TULP4: variants seen among roughly 807,000 people sequenced by gnomAD.
The protein encoded by TULP4 is TUB like protein 4.
TULP4 carries 16 observed loss-of-function variants against 129.0 expected under a neutral mutation model. The observed-to-expected ratio is 0.12, with a 90% CI of 0.08 to 0.19. The LOEUF (loss-of-function observed/expected upper bound fraction) is 0.19, where lower values mean the gene tolerates loss of function less well. TULP4 is among the 10% of genes least tolerant of loss of function. The probability of loss-of-function intolerance (pLI) is 1.00; values close to 1 mark genes in which losing one functional copy is unlikely to be tolerated. For missense variants in TULP4, 1,842 were observed against 2,059.1 expected (o/e 0.89, Z 2.04); for synonymous variants, 998 against 854.0 (o/e 1.17, Z -2.94).
chr6:158,249,284 A>G (rs546639559), intron 1 of TULP4, among the ~76,000 whole-genome samples: 115 of 151,354 alleles, frequency 7.6e-4, no homozygotes, highest in African/African-American at 2.6e-3. Context: ...TTTCTGAGTT[A>G]ATTTTCTGTT....
intron 1 of TULP4, among the ~76,000 whole-genome samples, chr6:158,385,893 G>A (rs1777437424): frequency 1.6e-5 from 2 of 122,318 alleles, no homozygotes; most frequent in African/African-American, 6.6e-5. Context: ...CACCCAGGCT[G>A]GAGCACAGTA....
At chr6:158,322,084 G>T (rs1052314621) in intron 1 of TULP4, among the ~76,000 whole-genome samples, 2 of 152,190 alleles carry the variant, frequency 1.3e-5, no homozygotes, top group Non-Finnish European at 2.9e-5. Flanking sequence ...AACATTCAGA[G>T]AGGTTAGAAA....
At chr6:158,404,643 G>C (rs1022610255) in intron 1 of TULP4, among the ~76,000 whole-genome samples, 3 of 152,018 alleles carry the variant, frequency 2.0e-5, no homozygotes, top group African/African-American at 7.3e-5. Context: ...AGGCGTGGTG[G>C]TGCACGCCTG....
chr6:158,469,169 G>A lies in TULP4; in HGVS notation c.1026+7440G>A, dbSNP rs1268563222. ...CGGAATCAGGACAAAAATCCAGAAC[G>A]GTGAAAATAGAGTGGAAGAGAGACA... is the stretch of plus-strand genomic sequence containing the variant. On this transcript the variant is annotated intron_variant, in intron 6 of 13. Coordinates refer to ENST00000367097, the MANE Select transcript of TULP4 (RefSeq NM_020245.5). 2.0e-5 allele frequency among the ~76,000 whole-genome samples: 3 copies of A among 152,228 alleles called. No homozygotes were observed. In the South Asian group the frequency reaches 6.2e-4, roughly 32 times the overall value.
intron 3 of TULP4, among the ~76,000 whole-genome samples, chr6:158,448,172 C>T (rs1345074250): frequency 6.6e-6 from 1 of 152,178 alleles, no homozygotes; most frequent in Non-Finnish European, 1.5e-5. Context: ...TGTTCTTTAG[C>T]TCTGGCCATG....
intron 1 of TULP4, among the ~76,000 whole-genome samples, chr6:158,289,291 T>G (rs1051001839): frequency 2.6e-5 from 4 of 152,218 alleles, no homozygotes; most frequent in African/African-American, 9.6e-5. Context: ...TTATTTGTGC[T>G]GCTCTGTCTT....
intron 1 of TULP4, among the ~76,000 whole-genome samples, chr6:158,364,339 A>G (rs1354213593): frequency 6.6e-6 from 1 of 152,176 alleles, no homozygotes; most frequent in Admixed American, 6.5e-5. Context: ...TCAGCCATGA[A>G]TTAAGAAACC....
intron 1 of TULP4, among the ~76,000 whole-genome samples, chr6:158,260,021 G>T (rs1778322622): frequency 6.6e-6 from 1 of 152,134 alleles, no homozygotes; most frequent in Non-Finnish European, 1.5e-5. Flanking sequence ...TGACATCGTT[G>T]GTCATGTGAT....
chr6:158,238,347 A>C, intron 1 of TULP4: 1 of 760,990 alleles, frequency 1.3e-6, no homozygotes, highest in Non-Finnish European at 2.3e-6. Flanking sequence ...GGGAATGTAA[A>C]CTGGCAGATA....
chr6:158,506,442 A>G (rs1414540955), intron 13 of TULP4, 136 bp from the exon 14 acceptor site: 10 of 709,648 alleles, frequency 1.4e-5, no homozygotes, highest in African/African-American at 3.5e-5. Context: ...CGTGTTAGCC[A>G]GGGTGGTCTC....
intron 1 of TULP4, among the ~76,000 whole-genome samples, chr6:158,287,503 A>G (rs1778853077): frequency 6.6e-6 from 1 of 152,224 alleles, no homozygotes; most frequent in Non-Finnish European, 1.5e-5. Flanking sequence ...ATGAATAGAC[A>G]TTTAAAAGTC....
intron 1 of TULP4, among the ~76,000 whole-genome samples, chr6:158,319,509 T>C (rs1374139857): frequency 2.0e-5 from 3 of 152,180 alleles, no homozygotes; most frequent in Non-Finnish European, 2.9e-5. Flanking sequence ...AAAGAACCAT[T>C]GCAAGATTTT....
chr6:158,348,758 G>T, intron 1 of TULP4, among the ~76,000 whole-genome samples: 1 of 151,086 alleles, frequency 6.6e-6, no homozygotes, highest in African/African-American at 2.4e-5. Context: ...TTCCCAGATG[G>T]GGCAGCTGGG....
upstream of TULP4, among the ~76,000 whole-genome samples, chr6:158,310,681 G>T (rs550188346): frequency 1.3e-5 from 2 of 151,998 alleles, no homozygotes; most frequent in East Asian, 3.9e-4. Flanking sequence ...TAACACTGGG[G>T]GTTACGTTTC....
At position 158,450,237 on chromosome 6, in the gene TULP4, G is replaced by A. The variant is rs545917281; in HGVS notation, c.724+1061G>A. Among the ~76,000 whole-genome samples, 3 of 152,314 alleles carry A rather than the reference G, an allele frequency of 2.0e-5. No homozygotes were observed. In the South Asian group the frequency reaches 6.2e-4, roughly 32 times the overall value. ...CTAGCACAGCTGTGCTTACACTGCT[G>A]TGTGCCCTTCATAGTCAAAGGGCAC... On this transcript the variant is annotated intron_variant, in intron 4 of 13. Transcript: ENST00000367097.
chr6:158,420,569 C>T (rs946201916), intron 2 of TULP4, among the ~76,000 whole-genome samples: 2 of 152,138 alleles, frequency 1.3e-5, no homozygotes, highest in African/African-American at 4.8e-5. Flanking sequence ...GCAATCCTTG[C>T]CTCCCGGGTT....
At chr6:158,266,933 A>C (rs551106011) in intron 1 of TULP4, among the ~76,000 whole-genome samples, 58 of 152,224 alleles carry the variant, frequency 3.8e-4, no homozygotes, top group Non-Finnish European at 5.7e-4. Flanking sequence ...CATCTTCCCA[A>C]ACTGAAACTC....
Position 158,429,634 on chromosome 6 carries a change from C to T in TULP4, c.382-102C>T, listed in dbSNP as rs1039149789. On this transcript the variant is annotated intron_variant, in intron 2 of 13. Transcript: ENST00000367097. ...CATATGTTATATTTTAAGGCCATCT[C>T]CATCTTAGCCAAAAGTCTAAGTTAA... 3.5e-5 allele frequency: 45 copies of T among 1,283,348 alleles called. No homozygotes were observed. The African/African-American group carries it at 5.6e-4, about 16-fold the overall frequency. The allele number at this position is 1,283,348 out of a possible 1,614,324, so 79.5% of individuals were successfully genotyped here.
At chr6:158,495,352 C>G (rs777824418) in intron 11 of TULP4, among the ~76,000 whole-genome samples, 2 of 152,134 alleles carry the variant, frequency 1.3e-5, no homozygotes, top group Non-Finnish European at 2.9e-5. Context: ...CACGCCTGGT[C>G]GCCAGCGGGA....
Sources: gnomAD v4.1 joint callset for allele counts (sites outside exome capture counted in the v4.1 genomes callset) on GRCh38, gnomAD v4.1.1 for gene constraint, MANE v1.5 for transcripts, NCBI Gene and HGNC (gene_info 2026-07-23, HGNC 2026-07-21) for gene names.